BNC2: variants seen among roughly 807,000 people sequenced by gnomAD.
BNC2 encodes basonuclin zinc finger protein 2.
A neutral mutation model predicts 76.3 loss-of-function variants in BNC2; 20 were observed. The observed-to-expected ratio is 0.26, with a 90% CI of 0.18 to 0.38. The LOEUF (loss-of-function observed/expected upper bound fraction) is 0.38, where lower values mean the gene tolerates loss of function less well. Among genes scored for constraint, BNC2 ranks in the 10% least tolerant of loss-of-function variants. BNC2 has a pLI of 1.00. For missense variants in BNC2, 1,382 were observed against 1,399.8 expected (o/e 0.99, Z 0.20); for synonymous variants, 582 against 514.8 (o/e 1.13, Z -1.77).
intron 5 of BNC2, among the ~76,000 whole-genome samples, chr9:16,504,059 G>A (rs1822575627): frequency 6.6e-6 from 1 of 151,992 alleles, no homozygotes; most frequent in African/African-American, 2.4e-5. Flanking sequence ...GAATCCATAT[G>A]GCAAATTTAA....
At chr9:16,728,375 A>C (rs1406813898) in intron 2 of BNC2, among the ~76,000 whole-genome samples, 2 of 152,074 alleles carry the variant, frequency 1.3e-5, no homozygotes, top group South Asian at 2.1e-4. Flanking sequence ...ATACAGATAG[A>C]TACACACTTA....
At position 16,511,687 on chromosome 9, in the gene BNC2, C is replaced by T. The variant is rs185914231; in HGVS notation, c.669+40843G>A. On this transcript the variant is annotated intron_variant, in intron 5 of 6. Transcript: ENST00000380672. Reference sequence around the variant, plus strand: ...CAAGGAATCCATGGGCCTCAGCCCCCCAAAGTGCTGAGATTACAGGCGTGA... The same window carrying T: ...CAAGGAATCCATGGGCCTCAGCCCCTCAAAGTGCTGAGATTACAGGCGTGA... Among the ~76,000 whole-genome samples, 975 of 152,122 alleles carry T rather than the reference C, an allele frequency of 6.4e-3. 11 individuals carry two copies. The highest frequency in any genetic ancestry group is 0.022 in the African/African-American group (931 of 41,516).
chr9:16,745,743 T>C (rs758793761), intron 1 of BNC2, among the ~76,000 whole-genome samples: 124 of 152,324 alleles, frequency 8.1e-4, no homozygotes, highest in Middle Eastern at 3.4e-3. Flanking sequence ...CCATTACTTT[T>C]CCGTTTTCCT....
chr9:16,503,571 T>C (rs1024885283), intron 5 of BNC2, among the ~76,000 whole-genome samples: 1 of 152,130 alleles, frequency 6.6e-6, no homozygotes, highest in Admixed American at 6.5e-5. Context: ...TCTCTAATCA[T>C]ATGGTGATAG....
At chr9:16,526,362 C>G (rs1817800057) in intron 5 of BNC2, among the ~76,000 whole-genome samples, 1 of 150,968 alleles carries the variant, frequency 6.6e-6, no homozygotes, top group South Asian at 2.1e-4. Context: ...AAATGAAAAC[C>G]AAACCAACAT....
chr9:16,539,564 A>G (rs13285502), intron 5 of BNC2, among the ~76,000 whole-genome samples: 5 of 118,548 alleles, frequency 4.2e-5, no homozygotes, highest in South Asian at 6.7e-4. Context: ...GGGGAGGGGG[A>G]GAGAGAGAGA....
intron 6 of BNC2, among the ~76,000 whole-genome samples, chr9:16,428,069 C>T (rs1820834602): frequency 6.6e-6 from 1 of 151,952 alleles, no homozygotes; most frequent in African/African-American, 2.4e-5. Context: ...GAAATGGATG[C>T]TAATATAGCT....
At chr9:16,457,241 T>G (rs564243522) in intron 5 of BNC2, among the ~76,000 whole-genome samples, 60 of 152,302 alleles carry the variant, frequency 3.9e-4, no homozygotes, top group Non-Finnish European at 8.5e-4. Context: ...GAAAAAATTT[T>G]CAGGCACACC....
At chr9:16,556,111 G>T (rs1190693559) in intron 4 of BNC2, among the ~76,000 whole-genome samples, 2 of 151,672 alleles carry the variant, frequency 1.3e-5, no homozygotes, top group African/African-American at 2.4e-5. Flanking sequence ...ATCAGCTTAG[G>T]CAACACATTG....
At chr9:16,549,283 C>A (rs1818585464) in intron 5 of BNC2, among the ~76,000 whole-genome samples, 1 of 152,178 alleles carries the variant, frequency 6.6e-6, no homozygotes, top group Non-Finnish European at 1.5e-5. Context: ...TACCGTACAT[C>A]TTCATTTGCC....
intron 1 of BNC2, among the ~76,000 whole-genome samples, chr9:16,813,286 G>C (rs1190527797): frequency 1.3e-5 from 2 of 150,318 alleles, no homozygotes; most frequent in South Asian, 2.1e-4. Flanking sequence ...TTTGTTTTGA[G>C]ACGGAGTCTG....
chr9:16,829,906 T>C (rs144157145), intron 1 of BNC2, among the ~76,000 whole-genome samples: 1 of 152,328 alleles, frequency 6.6e-6, no homozygotes. Context: ...ATTCACACTA[T>C]AGGACACAAA....
At chr9:16,598,571 G>A (rs1012746399) in intron 3 of BNC2, among the ~76,000 whole-genome samples, 1 of 152,184 alleles carries the variant, frequency 6.6e-6, no homozygotes, top group Non-Finnish European at 1.5e-5. Flanking sequence ...GGGAAGAGAC[G>A]TTTTGGATAC....
chr9:16,550,643 T>C (rs1179626806), intron 5 of BNC2, among the ~76,000 whole-genome samples: 1 of 152,192 alleles, frequency 6.6e-6, no homozygotes, highest in African/African-American at 2.4e-5. Context: ...GACAGAAAGA[T>C]ACAATGTATA....
intron 3 of BNC2, among the ~76,000 whole-genome samples, chr9:16,683,352 G>A (rs909852969): frequency 1.4e-4 from 22 of 152,316 alleles, no homozygotes; most frequent in African/African-American, 5.3e-4. Context: ...TTTCAGGGCT[G>A]TATGTCTAAA....
At chr9:16,850,598 G>A (rs898902625) in intron 1 of BNC2, among the ~76,000 whole-genome samples, 1 of 152,120 alleles carries the variant, frequency 6.6e-6, no homozygotes, top group African/African-American at 2.4e-5. Flanking sequence ...GGCTGGGGGT[G>A]GTAGCCCATG....
At chr9:16,686,685 C>G (rs912257075) in intron 3 of BNC2, among the ~76,000 whole-genome samples, 1 of 152,154 alleles carries the variant, frequency 6.6e-6, no homozygotes, top group African/African-American at 2.4e-5. Flanking sequence ...GCCATGCATG[C>G]TAGCTTAAAA....
At chr9:16,520,085 G>C (rs1053098519) in intron 5 of BNC2, among the ~76,000 whole-genome samples, 5 of 152,198 alleles carry the variant, frequency 3.3e-5, no homozygotes, top group African/African-American at 9.7e-5. Context: ...ACTTCTGCAG[G>C]ATGATGTCTG....
chr9:16,820,595 T>A (rs1818300988), intron 1 of BNC2, among the ~76,000 whole-genome samples: 1 of 152,132 alleles, frequency 6.6e-6, no homozygotes. Flanking sequence ...AAAAGGTACT[T>A]CCCAAGTGGG....
Sources: allele counts gnomAD v4.1 joint callset (sites outside exome capture counted in the v4.1 genomes callset), GRCh38; gene constraint gnomAD v4.1.1; transcripts MANE v1.5; gene names NCBI Gene and HGNC (gene_info 2026-07-23, HGNC 2026-07-21).